Variants in KCNK1 observed in about 807,000 individuals in gnomAD.
The protein encoded by KCNK1 is potassium channel subfamily K member 1.
In KCNK1, 10 loss-of-function variants were observed where a neutral mutation model predicts 22.2. That is an observed-to-expected ratio of 0.45 (90% CI 0.28 to 0.76). The LOEUF (loss-of-function observed/expected upper bound fraction) is 0.76. Ranked by LOEUF, KCNK1 falls within the 30% of genes least tolerant of loss-of-function variation. The pLI, the probability that KCNK1 is intolerant of heterozygous loss-of-function variation, is 0.14. For missense variants in KCNK1, 378 were observed against 421.0 expected (o/e 0.90, Z 0.89); for synonymous variants, 200 against 186.4 (o/e 1.07, Z -0.60).
intron 1 of KCNK1, among the ~76,000 whole-genome samples, chr1:233,665,653 C>T (rs547293348): frequency 4.1e-5 from 6 of 146,746 alleles, no homozygotes; most frequent in African/African-American, 1.5e-4. Context: ...GGCAAGTGGT[C>T]CACAGGTTTT....
intron 1 of KCNK1, among the ~76,000 whole-genome samples, chr1:233,647,971 G>A (rs1172937733): frequency 6.6e-6 from 1 of 152,152 alleles, no homozygotes; most frequent in Non-Finnish European, 1.5e-5. Context: ...TTTGGCCCCT[G>A]TGCTTTTGAA....
chr1:233,624,057 T>G (rs762284774), intron 1 of KCNK1: 3 of 153,296 alleles, frequency 2.0e-5, no homozygotes, highest in Non-Finnish European at 4.4e-5. Flanking sequence ...CTCCAGTTGT[T>G]TACGGTCATC....
chr1:233,632,243 G>A (rs1004777234), intron 1 of KCNK1, among the ~76,000 whole-genome samples: 1 of 152,134 alleles, frequency 6.6e-6, no homozygotes, highest in Non-Finnish European at 1.5e-5. Flanking sequence ...TTGATGACAG[G>A]TTCTGCATGA....
intron 1 of KCNK1, among the ~76,000 whole-genome samples, chr1:233,627,864 A>T (rs1250931961): frequency 6.6e-6 from 1 of 152,226 alleles, no homozygotes; most frequent in Non-Finnish European, 1.5e-5. Flanking sequence ...ATGTGACCTA[A>T]AGCAATATTT....
At chr1:233,627,450 G>A (rs377568699) in intron 1 of KCNK1, among the ~76,000 whole-genome samples, 20 of 152,282 alleles carry the variant, frequency 1.3e-4, no homozygotes, top group Non-Finnish European at 1.8e-4. Context: ...AGGCTGTTCC[G>A]CAGCTGCCTA....
chr1:233,664,758 G>A (rs1482341504), intron 1 of KCNK1, among the ~76,000 whole-genome samples: 3 of 152,212 alleles, frequency 2.0e-5, no homozygotes, highest in Admixed American at 6.5e-5. Context: ...TAAGCCTTAA[G>A]TATAAGGCAG....
intron 1 of KCNK1, among the ~76,000 whole-genome samples, chr1:233,621,122 T>C (rs988741991): frequency 1.3e-5 from 2 of 152,198 alleles, no homozygotes; most frequent in African/African-American, 2.4e-5. Flanking sequence ...CCAAATCGTC[T>C]CCCTCAAGTT....
chr1:233,636,319 G>A (rs80281148), intron 1 of KCNK1, among the ~76,000 whole-genome samples: 2,020 of 152,286 alleles, frequency 0.013, 43 homozygotes, highest in African/African-American at 0.045. Flanking sequence ...AGGGAGACCA[G>A]CTGGGAAGCT....
At chr1:233,653,891 G>A (rs1438338765) in intron 1 of KCNK1, among the ~76,000 whole-genome samples, 1 of 152,086 alleles carries the variant, frequency 6.6e-6, no homozygotes, top group Non-Finnish European at 1.5e-5. Flanking sequence ...TTGATACCAA[G>A]AAGTGGGAGT....
chr1:233,621,485 G>T (rs192171776), intron 1 of KCNK1, among the ~76,000 whole-genome samples: 1 of 152,140 alleles, frequency 6.6e-6, no homozygotes, highest in Non-Finnish European at 1.5e-5. Flanking sequence ...GTCTTGCAAC[G>T]AACAATTTTA....
chr1:233,628,455 G>T (rs1657727149), intron 1 of KCNK1, among the ~76,000 whole-genome samples: 1 of 152,148 alleles, frequency 6.6e-6, no homozygotes, highest in African/African-American at 2.4e-5. Flanking sequence ...AAGTACAAAA[G>T]AATTGTAACA....
At chr1:233,662,276 TC>T in intron 1 of KCNK1, among the ~76,000 whole-genome samples, 1 of 151,422 alleles carries the variant, frequency 6.6e-6, no homozygotes, top group Admixed American at 6.6e-5. Context: ...CTTCTTCTCC[TC>T]CTCCTCCTCC....
chr1:233,669,920 A>G (rs1658566754), intron 2 of KCNK1, among the ~76,000 whole-genome samples: 1 of 152,234 alleles, frequency 6.6e-6, no homozygotes, highest in Non-Finnish European at 1.5e-5. Flanking sequence ...TTCAAAACCT[A>G]TAGTCAGATT....
rs149331307 is a variant in KCNK1 at position 233,621,825 on chromosome 1, T to C, written c.355+7299T>C. 6.8e-3 allele frequency among the ~76,000 whole-genome samples: 1,040 copies of C among 152,308 alleles called. 18 individuals carry two copies. Among genetic ancestry groups the C allele is most frequent in the African/African-American group, 0.024 (994 of 41,564 alleles). ...TATCAATAACGTGGAAGAAATGATG[T>C]CTTTCCTTTTATGACATAACTGTGA... On this transcript the variant is annotated intron_variant, in intron 1 of 2. Coordinates refer to ENST00000366621, the MANE Select transcript of KCNK1 (RefSeq NM_002245.4).
At chr1:233,635,112 T>G (rs77355811) in intron 1 of KCNK1, among the ~76,000 whole-genome samples, 1 of 151,540 alleles carries the variant, frequency 6.6e-6, no homozygotes, top group African/African-American at 2.4e-5. Context: ...TATCCAAGTG[T>G]TTTTTTTCTT....
intron 1 of KCNK1, among the ~76,000 whole-genome samples, chr1:233,649,758 C>A (rs2102900583): frequency 6.6e-6 from 1 of 152,256 alleles, no homozygotes; most frequent in East Asian, 1.9e-4. Context: ...AAAGGCCCTA[C>A]CTTTTAATAC....
At chr1:233,629,748 CCGTAGTCG>C (rs1657757579) in intron 1 of KCNK1, 1 of 152,126 alleles carries the variant, frequency 6.6e-6, no homozygotes, top group Non-Finnish European at 1.5e-5. Context: ...GTGTGATGCT[CCGTAGTCG>C]CAGGGATGAA....
chr1:233,644,128 C>T (rs1658049525), intron 1 of KCNK1, among the ~76,000 whole-genome samples: 1 of 152,172 alleles, frequency 6.6e-6, no homozygotes, highest in African/African-American at 2.4e-5. Context: ...CTGATGAAGG[C>T]CTTCTTCCTG....
chr1:233,619,412 G>A (rs1172351744), intron 1 of KCNK1, among the ~76,000 whole-genome samples: 1 of 152,116 alleles, frequency 6.6e-6, no homozygotes, highest in Non-Finnish European at 1.5e-5. Context: ...TCTAGTTAAA[G>A]TGTTCAGTAA....
Sources: allele counts gnomAD v4.1 joint callset (sites outside exome capture counted in the v4.1 genomes callset), GRCh38; gene constraint gnomAD v4.1.1; transcripts MANE v1.5; gene names NCBI Gene and HGNC (gene_info 2026-07-23, HGNC 2026-07-21).